ACTN2: variants seen among roughly 807,000 people sequenced by gnomAD.
The protein encoded by ACTN2 is alpha-actinin-2.
In ACTN2, 39 loss-of-function variants were observed where a neutral mutation model predicts 113.8. The ratio of observed to expected loss-of-function variants is 0.34; its 90% CI spans 0.27 to 0.45. ACTN2 has a LOEUF of 0.45. Ranked by LOEUF, ACTN2 falls within the 20% of genes least tolerant of loss-of-function variation. The pLI is 1.00. For synonymous variants in ACTN2, 429 were observed against 444.1 expected, an observed-to-expected ratio of 0.97 and a Z score of 0.43; for missense variants, 992 against 1,177.9, an observed-to-expected ratio of 0.84 and a Z score of 2.31.
At chr1:236,757,431 A>T (rs950899124) in intron 17 of ACTN2, 55 bp from the exon 18 acceptor site, 2 of 1,609,802 alleles carry the variant, frequency 1.2e-6, no homozygotes, top group African/African-American at 2.7e-5. Context: ...GTAAAGAGGC[A>T]GAGTTGACAT....
At chr1:236,759,883 A>C (rs1659655600) in intron 19 of ACTN2, 94 bp downstream of exon 19, 1 of 1,168,228 alleles carries the variant, frequency 8.6e-7, no homozygotes, top group Non-Finnish European at 1.3e-6. Flanking sequence ...AAGGTAGTGC[A>C]TTTGGGATTG....
At position 236,726,015 on chromosome 1, in the gene ACTN2, T is replaced by C; in HGVS notation, c.531T>C (p.His177=). 6.2e-7 allele frequency: 1 copy of C among 1,613,974 alleles called. No individual in the cohort carries two copies. Among genetic ancestry groups the C allele is most frequent in the Non-Finnish European group, 8.5e-7 (1 of 1,179,854 alleles). The change falls in exon 5 of 21, where the codon CAT becomes CAC. Residue 177 remains histidine, a synonymous_variant. Coordinates refer to ENST00000366578, the MANE Select transcript of ACTN2 (RefSeq NM_001103.4). ...PYRNVNIQNF[H]TSWKDGLGLC... ...GAAATGTGAACATTCAGAACTTCCATACTAGGTGAGCACCCAGGGCCCCTG... is the reference window on the plus strand; with the variant it reads ...GAAATGTGAACATTCAGAACTTCCACACTAGGTGAGCACCCAGGGCCCCTG...
intron 1 of ACTN2, among the ~76,000 whole-genome samples, chr1:236,697,406 C>T (rs560332248): frequency 1.3e-3 from 203 of 152,230 alleles, no homozygotes; most frequent in South Asian, 1.2e-3. Context: ...GATTTAGGTA[C>T]GGAAGTTATC....
Position 236,757,538 on chromosome 1 carries a change from A to G in ACTN2, c.2207A>G (p.Asn736Ser), listed in dbSNP as rs1350703409. The G allele has an allele frequency of 6.2e-7, 1 of 1,614,178 alleles. No individual in the cohort carries two copies. The highest frequency in any genetic ancestry group is 8.5e-7 in the Non-Finnish European group (1 of 1,180,028). ...LLLTTIARTI[N>S]EVETQILTRD... Reference sequence around the variant, plus strand: ...CTGACAACCATCGCCAGAACCATCAATGAGGTGGAGACTCAGATCCTGACG... The same window carrying G: ...CTGACAACCATCGCCAGAACCATCAGTGAGGTGGAGACTCAGATCCTGACG... Residue 736 changes from asparagine (N) to serine (S), a missense_variant, in exon 18 of 21, where the codon AAT becomes AGT. By Grantham distance (46) the Asn-to-Ser change is conservative. This residue lies in a region of ACTN2 where 736 missense variants were observed against 815.4 expected (regional missense o/e 0.90). Coordinates refer to ENST00000366578, the MANE Select transcript of ACTN2 (RefSeq NM_001103.4).
chr1:236,719,136 G>T, intron 3 of ACTN2, 123 bp downstream of exon 3: 1 of 1,422,156 alleles, frequency 7.0e-7, no homozygotes. Context: ...CTTGTATCAG[G>T]CTCTCTCTTA....
rs376132913 is a variant in ACTN2, at chr1:236,754,951, C to T, written c.1975-68C>T. ...CCATGCAGGGTCTGGAACGGCGCCT[C>T]GTGCCGAGCTCCCTTAGAGGGCACT... On this transcript the variant is annotated intron_variant, in intron 16 of 20. Coordinates refer to ENST00000366578, the MANE Select transcript of ACTN2 (RefSeq NM_001103.4). This position sits in a 1 kb window ranked among gnomAD's most constrained non-coding sequence, Gnocchi z 4.9. 4.4e-5 allele frequency: 70 copies of T among 1,597,532 alleles called. 1 individual carries two copies. Among genetic ancestry groups the T allele is most frequent in the Middle Eastern group, 1.9e-4 (1 of 5,146 alleles).
chr1:236,686,931 T>A, intron 1 of ACTN2, 132 bp downstream of exon 1: 1 of 1,029,284 alleles, frequency 9.7e-7, no homozygotes, highest in Non-Finnish European at 1.3e-6. Flanking sequence ...TCCTGTGCCC[T>A]CGCAGCCCCG....
chr1:236,729,389 C>T (rs1179311773), intron 6 of ACTN2, among the ~76,000 whole-genome samples: 1 of 152,194 alleles, frequency 6.6e-6, no homozygotes, highest in Non-Finnish European at 1.5e-5. Flanking sequence ...CCCACCCTTA[C>T]TACACATTTC....
In ACTN2 at chr1:236,744,741, C is replaced by T. The variant is rs114008185; in HGVS notation, c.1371C>T (p.Arg457=). 1,566 of 1,614,144 alleles carry T rather than the reference C, an allele frequency of 9.7e-4. 17 individuals are homozygous for T. In the African/African-American group the frequency reaches 0.018, roughly 19 times the overall value. Residue 457 remains arginine (R), a synonymous_variant, in exon 12 of 21, where the codon CGC becomes CGT. Transcript: ENST00000366578. The part of the protein sequence containing the change: ...FESDLAAHQD[R]VEQIAAIAQE... Reference sequence around the variant, plus strand: ...GCGACCTGGCAGCGCACCAGGACCGCGTGGAGCAGATCGCAGCCATCGCGC... The same window carrying T: ...GCGACCTGGCAGCGCACCAGGACCGTGTGGAGCAGATCGCAGCCATCGCGC...
chr1:236,734,506 T>G (rs1011164848), intron 7 of ACTN2: 1 of 1,534,992 alleles, frequency 6.5e-7, no homozygotes, highest in Non-Finnish European at 8.7e-7. Flanking sequence ...ATGCTTTTGC[T>G]GGTGCACAGA....
At chr1:236,737,601 T>C (rs10925209) in intron 9 of ACTN2, among the ~76,000 whole-genome samples, 68,996 of 150,172 alleles carry the variant, frequency 0.46, 18,851 homozygotes, top group Non-Finnish European at 0.61. Context: ...ATGCACTCCA[T>C]ATGCAAAAGC....
At chr1:236,709,254 A>ATATATG (rs1657933997) in intron 1 of ACTN2, among the ~76,000 whole-genome samples, 1 of 71,136 alleles carries the variant, frequency 1.4e-5, no homozygotes, top group African/African-American at 3.9e-5. Context: ...ATATATATAT[A>ATATATG]TACACACACA....
intron 1 of ACTN2, among the ~76,000 whole-genome samples, chr1:236,709,153 C>T (rs536231038): frequency 4.8e-5 from 7 of 146,652 alleles, no homozygotes; most frequent in South Asian, 2.2e-4. Flanking sequence ...TAGTGTTGGC[C>T]GGCCTCTTTC....
At chr1:236,718,079 A>ATAC in intron 2 of ACTN2, 107 bp downstream of exon 2, 1 of 862,308 alleles carries the variant, frequency 1.2e-6, no homozygotes, top group Non-Finnish European at 1.9e-6. Flanking sequence ...CTGGGCAAGA[A>ATAC]CATGGTATTA....
intron 1 of ACTN2, among the ~76,000 whole-genome samples, chr1:236,706,441 A>G (rs1204451657): frequency 6.6e-6 from 1 of 152,120 alleles, no homozygotes; most frequent in Non-Finnish European, 1.5e-5. Context: ...GGTGGTGGTC[A>G]TGGGGCCTCG....
At chr1:236,755,471 G>T (rs1172792914) in intron 17 of ACTN2, among the ~76,000 whole-genome samples, 1 of 152,180 alleles carries the variant, frequency 6.6e-6, no homozygotes, top group African/African-American at 2.4e-5. Flanking sequence ...CCAGAAACTG[G>T]ACTGTTGCAT....
At chr1:236,734,660 T>C (rs1217711172) in intron 7 of ACTN2, 1 of 618,502 alleles carries the variant, frequency 1.6e-6, no homozygotes, top group Non-Finnish European at 2.8e-6. Flanking sequence ...TTGTCTTTTT[T>C]AGTCTAGCTT....
At chr1:236,699,719 A>T (rs1410503952) in intron 1 of ACTN2, among the ~76,000 whole-genome samples, 1 of 152,182 alleles carries the variant, frequency 6.6e-6, no homozygotes, top group Non-Finnish European at 1.5e-5. Context: ...CAGTACTGAG[A>T]ACTCACTTTG....
intron 1 of ACTN2, among the ~76,000 whole-genome samples, chr1:236,701,784 T>C (rs2102870841): frequency 6.6e-6 from 1 of 152,340 alleles, no homozygotes. Flanking sequence ...TATAAGAATT[T>C]ATTTCTATGT....
Sources: allele counts gnomAD v4.1 joint callset (sites outside exome capture counted in the v4.1 genomes callset), GRCh38; gene constraint gnomAD v4.1.1; regional missense constraint gnomAD v4.1.1; non-coding constraint Gnocchi (gnomAD v3.1); transcripts MANE v1.5; gene names NCBI Gene and HGNC (gene_info 2026-07-23, HGNC 2026-07-21).